The following ACP6 variants were observed in gnomAD, a reference collection of about 807,000 sequenced individuals.
ACP6 encodes the protein acid phosphatase 6, lysophosphatidic.
ACP6 carries 48 observed loss-of-function variants against 48.1 expected under a neutral mutation model. The ratio of observed to expected loss-of-function variants is 1.00; its 90% CI spans 0.79 to 1.27. The LOEUF (loss-of-function observed/expected upper bound fraction) is 1.27. ACP6 is among the 50% of genes most tolerant of loss of function. The pLI is 0.00. For missense variants in ACP6, 485 were observed against 529.1 expected, an observed-to-expected ratio of 0.92 and a Z score of 0.82; for synonymous variants, 172 against 204.2, an observed-to-expected ratio of 0.84 and a Z score of 1.34.
chr1:147,638,807 C>T (rs587643808), downstream of ACP6, among the ~76,000 whole-genome samples: 1 of 152,306 alleles, frequency 6.6e-6, no homozygotes, highest in South Asian at 2.1e-4. Context: ...AAACCATTAC[C>T]TTCCAGTCTT....
chr1:147,634,853 T>C (rs1272904527), intron 5 of ACP6, among the ~76,000 whole-genome samples: 1 of 152,134 alleles, frequency 6.6e-6, no homozygotes, highest in East Asian at 1.9e-4. Context: ...AGCACAGTCA[T>C]GGCATGAAAG....
At chr1:147,636,717 T>C (rs1226197921) in intron 5 of ACP6, among the ~76,000 whole-genome samples, 1 of 152,226 alleles carries the variant, frequency 6.6e-6, no homozygotes, top group Non-Finnish European at 1.5e-5. Flanking sequence ...AGAGCATTTT[T>C]GAGAGATGCC....
chr1:147,647,610 C>T (rs782768634), intron 9 of ACP6, 44 bp from the exon 10 acceptor site: 80 of 1,591,120 alleles, frequency 5.0e-5, no homozygotes, highest in Non-Finnish European at 6.7e-5. Flanking sequence ...AGGAACCTGT[C>T]CTTCTGCTAT....
In ACP6 at chr1:147,647,322, C is replaced by T; in HGVS notation, c.*101G>A. The T allele has an allele frequency of 7.5e-7, 1 of 1,336,746 alleles. No homozygotes were observed. Among genetic ancestry groups the T allele is most frequent in the Non-Finnish European group, 1.0e-6 (1 of 965,688 alleles). The allele number at this position is 1,336,746 out of a possible 1,614,324, so 82.8% of individuals were successfully genotyped here. On this transcript the variant is annotated 3_prime_UTR_variant, in exon 10 of 10. Transcript: ENST00000583509. ...AATATCCTTACATTATATTAAAGTA[C>T]ATTACCCCTTGCTCTCTCCTCTTCC...
chr1:147,667,311 G>A (rs1050798974), intron 1 of ACP6, among the ~76,000 whole-genome samples: 27 of 152,052 alleles, frequency 1.8e-4, no homozygotes, highest in African/African-American at 4.3e-4. Flanking sequence ...TCCGCCTCCC[G>A]GGTTCAAGCA....
At chr1:147,662,744 A>C (rs1328462031) in intron 1 of ACP6, among the ~76,000 whole-genome samples, 4 of 152,262 alleles carry the variant, frequency 2.6e-5, no homozygotes, top group African/African-American at 7.2e-5. Context: ...TTAATTGATA[A>C]AGCAGTGGCA....
chr1:147,668,635 T>C (rs1380910515), intron 1 of ACP6, among the ~76,000 whole-genome samples: 1 of 151,736 alleles, frequency 6.6e-6, no homozygotes, highest in Non-Finnish European at 1.5e-5. Context: ...GAAAATTTAG[T>C]GATCTAATAT....
chr1:147,656,654 T>C (rs1283516107), intron 4 of ACP6, among the ~76,000 whole-genome samples: 1 of 152,254 alleles, frequency 6.6e-6, no homozygotes, highest in South Asian at 2.1e-4. Context: ...TGAGCCTCTC[T>C]GTGTCTTGGT....
Position 147,643,267 on chromosome 1 carries a change from A to T in ACP6, c.*4156T>A, listed in dbSNP as rs2148900094. 1 of 152,384 alleles carries T rather than the reference A, an allele frequency of 6.6e-6. No homozygotes were observed. Among genetic ancestry groups the T allele is most frequent in the Non-Finnish European group, 1.5e-5 (1 of 68,036 alleles). The allele number at this position is 152,384 out of a possible 1,614,324, so 9.4% of individuals were successfully genotyped here. ...TCAGTGTTACAAGGCAACGATGTTG[A>T]ACAAAACACAATGTTATTCAAGGAC... On this transcript the variant is annotated 3_prime_UTR_variant, in exon 10 of 10. Coordinates refer to ENST00000583509, the MANE Select transcript of ACP6 (RefSeq NM_016361.5).
At chr1:147,657,578 G>A (rs587613613) in intron 4 of ACP6, among the ~76,000 whole-genome samples, 17 of 152,128 alleles carry the variant, frequency 1.1e-4, no homozygotes, top group African/African-American at 3.1e-4. Context: ...CCACCACCAC[G>A]CCTGGCTAAT....
In ACP6 at chr1:147,670,191, G is replaced by A. The variant is rs919078028; in HGVS notation, c.-143C>T. 3.6e-5 allele frequency: 27 copies of A among 744,670 alleles called. No individual in the cohort carries two copies. In the African/African-American group the frequency reaches 3.9e-4, roughly 11 times the overall value. 46.1% of individuals were successfully genotyped at this position (744,670 alleles called of 1,614,324 possible). ...TCCAGCCCTTCAGCAAGCAGGGACCGCTGTGCCTCCCGGCCCTGAGGGAGA... is the reference window on the plus strand; with the variant it reads ...TCCAGCCCTTCAGCAAGCAGGGACCACTGTGCCTCCCGGCCCTGAGGGAGA... On this transcript the variant is annotated 5_prime_UTR_variant, in exon 1 of 10. Coordinates refer to ENST00000583509, the MANE Select transcript of ACP6 (RefSeq NM_016361.5).
chr1:147,632,869 G>A (rs1343158828), intron 5 of ACP6, among the ~76,000 whole-genome samples: 1 of 152,124 alleles, frequency 6.6e-6, no homozygotes, highest in Non-Finnish European at 1.5e-5. Context: ...GGAGAGTAAA[G>A]GGTGAAGCAA....
rs368571661 is a variant in ACP6 at position 147,648,375 on chromosome 1, G to A, written c.1014C>T (p.Phe338=). 2.5e-6 allele frequency: 4 copies of A among 1,614,090 alleles called. No individual in the cohort carries two copies. The highest frequency in any genetic ancestry group is 3.4e-6 in the Non-Finnish European group (4 of 1,180,040). ...TCCCCAGGGTCATTAAGAGCGGTAT[G>A]AAGGTCACATCATGAGCCGCATAGA... ...LYLYAAHDVT[F]IPLLMTLGIF... Residue 338 remains phenylalanine, a synonymous_variant, in exon 9 of 10, where the codon TTC becomes TTT. Transcript: ENST00000583509.
At chr1:147,667,741 A>G (rs782301520) in intron 1 of ACP6, among the ~76,000 whole-genome samples, 1 of 152,150 alleles carries the variant, frequency 6.6e-6, no homozygotes, top group Non-Finnish European at 1.5e-5. Flanking sequence ...CTGTAATCCC[A>G]GCACTTTGGG....
chr1:147,659,304 G>A, intron 3 of ACP6, 92 bp downstream of exon 3: 1 of 1,522,702 alleles, frequency 6.6e-7, no homozygotes, highest in South Asian at 1.3e-5. Context: ...ACTACCTTGG[G>A]TGACAGTGGG....
chr1:147,650,239 C>T lies in ACP6; in HGVS notation c.882-1G>A. 6.3e-7 allele frequency: 1 copy of T among 1,595,152 alleles called. No individual in the cohort carries two copies. The highest frequency in any genetic ancestry group is 8.5e-7 in the Non-Finnish European group (1 of 1,172,662). On this transcript the variant is annotated splice_acceptor_variant, in intron 7 of 9. Transcript: ENST00000583509. LOFTEE classifies it high-confidence loss of function. ...GCCTACTGCCATCTGAAGACTTTCC[C>T]TGTGAAAAGTGAACAACATTTAAGC...
At position 147,670,117 on chromosome 1, in the gene ACP6, G is replaced by A. The variant is rs587745691; in HGVS notation, c.-69C>T. On this transcript the variant is annotated 5_prime_UTR_variant, in exon 1 of 10. Transcript: ENST00000583509. ...CAAACACAAGTCTTCTGCGGGCGCC[G>A]GGGCTCAGCGGGCGCCCCCAAGTCC... 4 of 1,378,090 alleles carry A rather than the reference G, an allele frequency of 2.9e-6. No homozygotes were observed. The highest frequency in any genetic ancestry group is 3.0e-5 in the South Asian group (2 of 66,358). The allele number at this position is 1,378,090 out of a possible 1,614,324, so 85.4% of individuals were successfully genotyped here.
At chr1:147,666,414 T>C (rs1160935745) in intron 1 of ACP6, among the ~76,000 whole-genome samples, 2 of 152,160 alleles carry the variant, frequency 1.3e-5, no homozygotes, top group Non-Finnish European at 2.9e-5. Flanking sequence ...TGTACTGGGA[T>C]TGATATACTA....
chr1:147,643,585 G>A lies in ACP6; in HGVS notation c.*3838C>T, dbSNP rs910987196. ...GAACAACAGGTGCTCACCCCGAGGT[G>A]AGGACATGGCTCAGGACTACTTGGC... is the stretch of plus-strand genomic sequence containing the variant. On this transcript the variant is annotated 3_prime_UTR_variant, in exon 10 of 10. Coordinates refer to ENST00000583509, the MANE Select transcript of ACP6 (RefSeq NM_016361.5). 7 of 152,198 alleles carry A rather than the reference G, an allele frequency of 4.6e-5. No homozygotes were observed. Among genetic ancestry groups the A allele is most frequent in the African/African-American group, 1.7e-4 (7 of 41,442 alleles). The allele number at this position is 152,198 out of a possible 1,614,324, so 9.4% of individuals were successfully genotyped here.
Sources: allele counts gnomAD v4.1 joint callset (sites outside exome capture counted in the v4.1 genomes callset), GRCh38; gene constraint gnomAD v4.1.1; transcripts MANE v1.5; gene names NCBI Gene and HGNC (gene_info 2026-07-23, HGNC 2026-07-21).